Variants in LRRTM4 observed in about 807,000 individuals in gnomAD.
The protein encoded by LRRTM4 is leucine rich repeat transmembrane neuronal 4, also known as leucine-rich repeat transmembrane neuronal protein 4.
A neutral mutation model predicts 47.6 loss-of-function variants in LRRTM4; 25 were observed. That is an observed-to-expected ratio of 0.53 (90% CI 0.38 to 0.73). The LOEUF (loss-of-function observed/expected upper bound fraction) is 0.73. Among genes scored for constraint, LRRTM4 ranks in the 30% least tolerant of loss-of-function variants. The pLI, the probability that LRRTM4 is intolerant of heterozygous loss-of-function variation, is 0.00. For synonymous variants in LRRTM4, 311 were observed against 269.5 expected (o/e 1.15, Z -1.51); for missense variants, 638 against 713.4 (o/e 0.89, Z 1.20).
intron 3 of LRRTM4, among the ~76,000 whole-genome samples, chr2:77,299,629 A>C (rs937326062): frequency 6.6e-6 from 1 of 152,122 alleles, no homozygotes; most frequent in African/African-American, 2.4e-5. Context: ...GTTCCAAAAT[A>C]GAATGAAGGA....
At chr2:77,362,119 A>AG (rs1558707204) in intron 3 of LRRTM4, among the ~76,000 whole-genome samples, 1 of 101,896 alleles carries the variant, frequency 9.8e-6, no homozygotes, top group African/African-American at 3.3e-5. Flanking sequence ...GAAAGAGAGA[A>AG]AGAAAGAAAG....
At chr2:76,892,009 A>T (rs571694442) in intron 3 of LRRTM4, among the ~76,000 whole-genome samples, 9,818 of 151,688 alleles carry the variant, frequency 0.065, 708 homozygotes, top group African/African-American at 0.17. Flanking sequence ...AAATAAAAAA[A>T]TTGCAGAATA....
At chr2:76,895,767 T>C (rs961335059) in intron 3 of LRRTM4, among the ~76,000 whole-genome samples, 7 of 148,724 alleles carry the variant, frequency 4.7e-5, no homozygotes, top group Non-Finnish European at 1.0e-4. Context: ...AGCCCAATTC[T>C]GTTTTTTATA....
At chr2:77,458,425 G>T (rs1676648056) in intron 3 of LRRTM4, among the ~76,000 whole-genome samples, 1 of 152,044 alleles carries the variant, frequency 6.6e-6, no homozygotes, top group Non-Finnish European at 1.5e-5. Context: ...TCTTCATTTG[G>T]AGCCAGTTGT....
chr2:77,143,569 A>G (rs906269769), intron 3 of LRRTM4, among the ~76,000 whole-genome samples: 2 of 152,192 alleles, frequency 1.3e-5, no homozygotes, highest in Non-Finnish European at 2.9e-5. Flanking sequence ...CCAAAATTTC[A>G]GTGAAAATAA....
intron 3 of LRRTM4, among the ~76,000 whole-genome samples, chr2:77,480,837 GA>G (rs1309529635): frequency 0.017 from 896 of 52,118 alleles, 4 homozygotes; most frequent in Admixed American, 0.035. Context: ...GAGAGAGAGA[GA>G]GAGAGAGAGA....
chr2:77,380,559 G>A lies in LRRTM4; in HGVS notation c.1551+137759C>T, dbSNP rs145459838. Among the ~76,000 whole-genome samples, 1,066 of 152,230 alleles carry A rather than the reference G, an allele frequency of 7.0e-3. 8 individuals are homozygous for A. The highest frequency in any genetic ancestry group is 0.012 in the Admixed American group (185 of 15,280). Reference sequence around the variant, plus strand: ...TGCCTGTAATCCCAGCACTTTGGGAGGCCAAGATGGGTGGATCACTTGAGG... The same window carrying A: ...TGCCTGTAATCCCAGCACTTTGGGAAGCCAAGATGGGTGGATCACTTGAGG... On this transcript the variant is annotated intron_variant, in intron 3 of 3. Coordinates refer to ENST00000409884, the MANE Select transcript of LRRTM4 (RefSeq NM_001134745.3).
At chr2:77,422,604 T>G (rs1305566377) in intron 3 of LRRTM4, among the ~76,000 whole-genome samples, 1 of 152,196 alleles carries the variant, frequency 6.6e-6, no homozygotes, top group African/African-American at 2.4e-5. Flanking sequence ...GAAACCATCA[T>G]AGAAATTTGA....
At position 77,148,646 on chromosome 2, in the gene LRRTM4, C is replaced by T. The variant is rs116696414; in HGVS notation, c.1551+369672G>A. 2.1e-3 allele frequency among the ~76,000 whole-genome samples: 316 copies of T among 152,078 alleles called. 5 individuals are homozygous for T. The highest frequency in any genetic ancestry group is 7.4e-3 in the African/African-American group (306 of 41,502). On this transcript the variant is annotated intron_variant, in intron 3 of 3. Coordinates refer to ENST00000409884, the MANE Select transcript of LRRTM4 (RefSeq NM_001134745.3). ...CAGGAGGGGAAGGTAAATTTGAAAA[C>T]AGAAATAATTTTAAAAAAGGGAATA...
chr2:77,260,140 T>A (rs1312758523), intron 3 of LRRTM4, among the ~76,000 whole-genome samples: 1 of 152,058 alleles, frequency 6.6e-6, no homozygotes, highest in African/African-American at 2.4e-5. Context: ...ACTAGATTTT[T>A]AAGAGAGGTT....
At position 76,780,407 on chromosome 2, in the gene LRRTM4, G is replaced by A. The variant is rs372456783; in HGVS notation, c.1552-31491C>T. On this transcript the variant is annotated intron_variant, in intron 3 of 3. Coordinates refer to ENST00000409884, the MANE Select transcript of LRRTM4 (RefSeq NM_001134745.3). ...TCACTTTCAGGTACACCAATCAGAC[G>A]TAGATTTGGTCTTTTCACATAGTCC... is the stretch of plus-strand genomic sequence containing the variant. Among the ~76,000 whole-genome samples, 8 of 152,254 alleles carry A rather than the reference G, an allele frequency of 5.3e-5. No individual in the cohort carries two copies. The South Asian group carries it at 6.2e-4, about 12-fold the overall frequency.
In LRRTM4 at chr2:77,011,803, C is replaced by T. The variant is rs549396980; in HGVS notation, c.1552-262887G>A. Among the ~76,000 whole-genome samples, 64 of 152,022 alleles carry T rather than the reference C, an allele frequency of 4.2e-4. No homozygotes were observed. In the South Asian group the frequency reaches 0.013, roughly 31 times the overall value. ...TCAATATTTTATCTGAGTCGTTTCTCCCTTTACACAGGATTTTGTTTCCAG... is the reference window on the plus strand; with the variant it reads ...TCAATATTTTATCTGAGTCGTTTCTTCCTTTACACAGGATTTTGTTTCCAG... On this transcript the variant is annotated intron_variant, in intron 3 of 3. Transcript: ENST00000409884.
chr2:77,296,623 A>G (rs914687799), intron 3 of LRRTM4, among the ~76,000 whole-genome samples: 1 of 152,226 alleles, frequency 6.6e-6, no homozygotes, highest in Non-Finnish European at 1.5e-5. Context: ...TGGGACAAGT[A>G]AACAAGGTAT....
rs1410646183 is a variant in LRRTM4, at chr2:76,880,382, A to G, written c.1552-131466T>C. Among the ~76,000 whole-genome samples the G allele has an allele frequency of 3.3e-5, 5 of 152,232 alleles. No individual in the cohort carries two copies. In the East Asian group the frequency reaches 9.6e-4, roughly 29 times the overall value. ...TTCACCAGCTAAAAGATTATGAATC[A>G]CTGAAGGCTCAGATTATCCTTAGAA... On this transcript the variant is annotated intron_variant, in intron 3 of 3. Transcript: ENST00000409884.
chr2:76,871,142 GAACA>G (rs1355926175), intron 3 of LRRTM4, among the ~76,000 whole-genome samples: 13 of 152,098 alleles, frequency 8.5e-5, no homozygotes, highest in African/African-American at 9.7e-5. Flanking sequence ...TTACCGTAGA[GAACA>G]AACATTGTCC....
At chr2:77,072,112 A>T (rs573765105) in intron 3 of LRRTM4, among the ~76,000 whole-genome samples, 15 of 152,132 alleles carry the variant, frequency 9.9e-5, no homozygotes, top group Non-Finnish European at 1.6e-4. Context: ...AATTTATCTG[A>T]AAAACTCAGA....
At chr2:77,207,920 C>A (rs1674186985) in intron 3 of LRRTM4, among the ~76,000 whole-genome samples, 1 of 86,282 alleles carries the variant, frequency 1.2e-5, no homozygotes, top group South Asian at 3.9e-4. Flanking sequence ...CTTTTTTCAC[C>A]CAGGCTGGAG....
At chr2:76,775,112 G>A (rs921761231) in intron 3 of LRRTM4, among the ~76,000 whole-genome samples, 1 of 151,992 alleles carries the variant, frequency 6.6e-6, no homozygotes, top group African/African-American at 2.4e-5. Context: ...TGATTTCTTT[G>A]ATTGGCTCTA....
At chr2:76,862,101 T>C (rs1672328941) in intron 3 of LRRTM4, among the ~76,000 whole-genome samples, 1 of 151,740 alleles carries the variant, frequency 6.6e-6, no homozygotes, top group Non-Finnish European at 1.5e-5. Context: ...GCAAGTGTTT[T>C]ATTTTCACTT....
Sources: allele counts gnomAD v4.1 joint callset (sites outside exome capture counted in the v4.1 genomes callset), GRCh38; gene constraint gnomAD v4.1.1; transcripts MANE v1.5; gene names NCBI Gene and HGNC (gene_info 2026-07-23, HGNC 2026-07-21).